OR51B5: variants seen among roughly 807,000 people sequenced by gnomAD.
OR51B5 encodes olfactory receptor family 51 subfamily B member 5.
For synonymous variants in OR51B5, 186 were observed against 144.8 expected (o/e 1.28, Z -2.04); for missense variants, 456 against 374.6 (o/e 1.22, Z -1.79).
chr11:5,422,589 G>C (rs1564808480), intron 1 of OR51B5: 1 of 1,614,082 alleles, frequency 6.2e-7, no homozygotes, highest in Admixed American at 1.7e-5. Context: ...GCCATCTGCT[G>C]TCCCCTCCAT....
At chr11:5,433,776 G>A (rs1850561504) in intron 1 of OR51B5, among the ~76,000 whole-genome samples, 1 of 151,964 alleles carries the variant, frequency 6.6e-6, no homozygotes, top group Non-Finnish European at 1.5e-5. Context: ...AGGCTGCAAT[G>A]AGCTATGATT....
At chr11:5,438,165 A>C (rs893638661) in intron 1 of OR51B5, among the ~76,000 whole-genome samples, 4 of 152,184 alleles carry the variant, frequency 2.6e-5, no homozygotes, top group African/African-American at 9.7e-5. Flanking sequence ...ATTGGGCATA[A>C]ATCTCTGGCA....
intron 1 of OR51B5, among the ~76,000 whole-genome samples, chr11:5,440,390 A>G (rs1273611183): frequency 2.6e-5 from 4 of 152,168 alleles, no homozygotes; most frequent in African/African-American, 9.7e-5. Flanking sequence ...TAGCACAATA[A>G]TTTTCACATA....
chr11:5,363,443 A>C (rs1849317640), intron 1 of OR51B5, among the ~76,000 whole-genome samples: 1 of 125,784 alleles, frequency 8.0e-6, no homozygotes, highest in African/African-American at 3.0e-5. Flanking sequence ...ACCTCTTGAC[A>C]CACATACACA....
chr11:5,453,860 G>A (rs984735845), intron 1 of OR51B5: 1 of 1,614,182 alleles, frequency 6.2e-7, no homozygotes, highest in African/African-American at 1.3e-5. Flanking sequence ...ACCGCTATGT[G>A]GCCATTTGTG....
chr11:5,389,857 G>T, intron 1 of OR51B5: 1 of 1,613,746 alleles, frequency 6.2e-7, no homozygotes, highest in Non-Finnish European at 8.5e-7. Context: ...GCCAGCAAGT[G>T]GTCAGAGCAG....
intron 1 of OR51B5, among the ~76,000 whole-genome samples, chr11:5,400,418 T>C (rs1199247813): frequency 6.6e-6 from 1 of 152,214 alleles, no homozygotes; most frequent in Non-Finnish European, 1.5e-5. Flanking sequence ...TGCCATATTA[T>C]ATGCCCACTG....
intron 1 of OR51B5, among the ~76,000 whole-genome samples, chr11:5,412,361 G>C (rs1336276364): frequency 3.3e-5 from 5 of 152,182 alleles, no homozygotes; most frequent in African/African-American, 1.2e-4. Flanking sequence ...CAGCGTGAGC[G>C]ATGCAGAAGA....
At chr11:5,478,088 CCTCT>C (rs1851345276) in intron 1 of OR51B5, among the ~76,000 whole-genome samples, 1 of 151,882 alleles carries the variant, frequency 6.6e-6, no homozygotes, top group Admixed American at 6.6e-5. Context: ...ACAGCAGTAA[CCTCT>C]GCAGACTTCA....
chr11:5,491,294 A>T (rs1851577448), intron 1 of OR51B5, among the ~76,000 whole-genome samples: 1 of 152,236 alleles, frequency 6.6e-6, no homozygotes. Flanking sequence ...ATTTTTACCT[A>T]GAAAAGCAAT....
chr11:5,496,219 G>A (rs1006922956), intron 1 of OR51B5, among the ~76,000 whole-genome samples: 1 of 151,956 alleles, frequency 6.6e-6, no homozygotes, highest in Non-Finnish European at 1.5e-5. Flanking sequence ...GCTTGATGGA[G>A]CCTGTTCCCT....
At chr11:5,358,928 T>C (rs919052855) in intron 1 of OR51B5, among the ~76,000 whole-genome samples, 1 of 151,662 alleles carries the variant, frequency 6.6e-6, no homozygotes, top group Non-Finnish European at 1.5e-5. Context: ...AAAAGGCCTT[T>C]GACAAAATTC....
chr11:5,402,469 A>C (rs1382025691), intron 1 of OR51B5: 12 of 358,894 alleles, frequency 3.3e-5, no homozygotes, highest in Non-Finnish European at 4.4e-5. Context: ...TTGGCCACAT[A>C]AATCTGTGAG....
At chr11:5,488,741 C>T in intron 1 of OR51B5, 1 of 1,613,818 alleles carries the variant, frequency 6.2e-7, no homozygotes, top group South Asian at 1.1e-5. Flanking sequence ...AACCATCTTC[C>T]AGACACCTTC....
At chr11:5,362,350 A>T (rs1285443401) in intron 1 of OR51B5, among the ~76,000 whole-genome samples, 2 of 152,240 alleles carry the variant, frequency 1.3e-5, no homozygotes, top group East Asian at 1.9e-4. Flanking sequence ...GCCATAATCA[A>T]CTACGAAGAT....
chr11:5,477,302 C>T (rs1218472332), intron 1 of OR51B5, among the ~76,000 whole-genome samples: 1 of 152,126 alleles, frequency 6.6e-6, no homozygotes, highest in Non-Finnish European at 1.5e-5. Context: ...AAACACTTAT[C>T]CCTTGAGATG....
At chr11:5,358,817 T>C (rs1849234702) in intron 1 of OR51B5, among the ~76,000 whole-genome samples, 1 of 152,148 alleles carries the variant, frequency 6.6e-6, no homozygotes, top group Non-Finnish European at 1.5e-5. Context: ...GCTTCATCCC[T>C]GGGATGCAAG....
intron 1 of OR51B5, among the ~76,000 whole-genome samples, chr11:5,428,450 A>G (rs548022491): frequency 6.6e-6 from 1 of 152,364 alleles, no homozygotes; most frequent in African/African-American, 2.4e-5. Context: ...TGGCGCAGAT[A>G]GACTTGCTCA....
chr11:5,416,026 A>C (rs1007295566), intron 1 of OR51B5, among the ~76,000 whole-genome samples: 17 of 148,286 alleles, frequency 1.1e-4, no homozygotes, highest in African/African-American at 2.5e-4. Context: ...AAAAATCCTC[A>C]ATAAAATACT....
Sources: allele counts gnomAD v4.1 joint callset (sites outside exome capture counted in the v4.1 genomes callset), GRCh38; gene constraint gnomAD v4.1.1; transcripts MANE v1.5; gene names NCBI Gene and HGNC (gene_info 2026-07-23, HGNC 2026-07-21).